The following NPHP3 variants were observed in gnomAD, a reference collection of about 807,000 sequenced individuals.
NPHP3 encodes the protein nephrocystin 3.
A neutral mutation model predicts 171.9 loss-of-function variants in NPHP3; 123 were observed. That is an observed-to-expected ratio of 0.72 (90% CI 0.62 to 0.83). The LOEUF (loss-of-function observed/expected upper bound fraction) is 0.83. Among genes scored for constraint, NPHP3 ranks in the 40% least tolerant of loss-of-function variants. NPHP3 has a pLI of 0.00. For synonymous variants in NPHP3, 558 were observed against 579.2 expected, an observed-to-expected ratio of 0.96 and a Z score of 0.52; for missense variants, 1,506 against 1,591.9, an observed-to-expected ratio of 0.95 and a Z score of 0.92.
At chr3:132,697,490 A>G in intron 13 of NPHP3, 128 bp from the exon 14 acceptor site, 1 of 649,146 alleles carries the variant, frequency 1.5e-6, no homozygotes. Flanking sequence ...AAGCAAAACT[A>G]ATGTCTATTA....
chr3:132,694,699 G>A (rs1191938823), intron 16 of NPHP3, 128 bp downstream of exon 16: 2 of 979,130 alleles, frequency 2.0e-6, no homozygotes, highest in African/African-American at 3.2e-5. Context: ...GCACACTATG[G>A]CTATCAGCAT....
At chr3:132,700,309 A>G in intron 11 of NPHP3, 25 bp downstream of exon 11, 1 of 1,494,830 alleles carries the variant, frequency 6.7e-7, no homozygotes, top group Non-Finnish European at 9.3e-7. Context: ...AAAATTCTGT[A>G]ATTCCAAAAG....
chr3:132,716,340 ATATAGAAGGAAAACTGTAC>A (rs1259627489), intron 4 of NPHP3, among the ~76,000 whole-genome samples: 2 of 152,138 alleles, frequency 1.3e-5, no homozygotes, highest in Non-Finnish European at 2.9e-5. Context: ...GGATCTGTGG[ATATAGAAGGAAAACTGTAC>A]TATATTACCT....
chr3:132,711,992 T>C (rs1939922178), intron 6 of NPHP3, among the ~76,000 whole-genome samples: 2 of 152,204 alleles, frequency 1.3e-5, no homozygotes, highest in South Asian at 4.1e-4. Context: ...AAAGTCAGAG[T>C]TGGTCCACAA....
At position 132,705,732 on chromosome 3, in the gene NPHP3, A is replaced by C. The variant is rs1384391172; in HGVS notation, c.1350+8T>G. On this transcript the variant is annotated splice_region_variant and intron_variant, in intron 8 of 26. Transcript: ENST00000337331. Reference sequence around the variant, plus strand: ...TTAGATGAAAACTTACAGAGAATGCATATTTACCTGTTTAATAATCTTTTC... The same window carrying C: ...TTAGATGAAAACTTACAGAGAATGCCTATTTACCTGTTTAATAATCTTTTC... The C allele has an allele frequency of 7.9e-7, 1 of 1,263,038 alleles. No homozygotes were observed. Among genetic ancestry groups the C allele is most frequent in the Non-Finnish European group, 1.2e-6 (1 of 863,904 alleles). 78.2% of individuals were successfully genotyped at this position (1,263,038 alleles called of 1,614,324 possible). A position where few individuals can be genotyped will look rare whatever the true frequency, so the allele number is the denominator to read the frequency against.
chr3:132,687,503 C>T (rs1253264297), intron 21 of NPHP3, among the ~76,000 whole-genome samples: 1 of 152,124 alleles, frequency 6.6e-6, no homozygotes, highest in Non-Finnish European at 1.5e-5. Flanking sequence ...CAAGTCTAGT[C>T]CTTTAAGTAG....
chr3:132,721,544 T>G, intron 1 of NPHP3: 2 of 305,086 alleles, frequency 6.6e-6, no homozygotes, highest in Admixed American at 4.5e-5. Flanking sequence ...TCTGAGGGGG[T>G]GGGCGCGGGG....
Position 132,687,166 on chromosome 3 carries a change from CT to C in NPHP3, c.3185del (p.Lys1062ArgfsTer19). On this transcript the variant is annotated frameshift_variant, in exon 22 of 27. Coordinates refer to ENST00000337331, the MANE Select transcript of NPHP3 (RefSeq NM_153240.5). LOFTEE classifies it high-confidence loss of function. Reference protein sequence around the residue: ...KSFKIHQKAIKKKGNLYGFAL... With the variant: ...KSFKIHQKAIXKKGNLYGFAL... ...CTCTCCTTACCAAGTTGCCTTTTTT[CT>C]TTATAGCTTTCTGATGAATTTTAAA... The C allele has an allele frequency of 6.8e-7, 1 of 1,466,676 alleles. No individual in the cohort carries two copies. The highest frequency in any genetic ancestry group is 9.5e-7 in the Non-Finnish European group (1 of 1,048,794). The allele number at this position is 1,466,676 out of a possible 1,614,324, so 90.9% of individuals were successfully genotyped here.
chr3:132,688,379 A>C (rs1349270485), intron 21 of NPHP3, among the ~76,000 whole-genome samples: 1 of 152,226 alleles, frequency 6.6e-6, no homozygotes, highest in Non-Finnish European at 1.5e-5. Context: ...AAAGGATACT[A>C]AACCTATATT....
chr3:132,718,859 A>G (rs1200484363), intron 3 of NPHP3, 135 bp downstream of exon 3: 1 of 848,264 alleles, frequency 1.2e-6, no homozygotes, highest in African/African-American at 1.7e-5. Context: ...AGAACACACG[A>G]CACTATTTGC....
At chr3:132,687,357 T>A in intron 21 of NPHP3, 131 bp from the exon 22 acceptor site, 1 of 579,368 alleles carries the variant, frequency 1.7e-6, no homozygotes, top group Non-Finnish European at 3.1e-6. Flanking sequence ...CTAGAAATGA[T>A]AGTCATGACA....
At position 132,722,210 on chromosome 3, in the gene NPHP3, G is replaced by A. The variant is rs763420553; in HGVS notation, c.146C>T (p.Ala49Val). The A allele has an allele frequency of 2.0e-6, 3 of 1,520,862 alleles. No individual in the cohort carries two copies. The highest frequency in any genetic ancestry group is 4.1e-5 in the Admixed American group (2 of 48,438). The allele number at this position is 1,520,862 out of a possible 1,614,324, so 94.2% of individuals were successfully genotyped here. Reference sequence around the variant, plus strand: ...GGGCCCGGCCCCTGCTGCCGCCCCCGCGCCTCGGCGGAACGAGTTGCGCAG... The same window carrying A: ...GGGCCCGGCCCCTGCTGCCGCCCCCACGCCTCGGCGGAACGAGTTGCGCAG... ...RLLRNSFRRG[A>V]GAAAGAGPGS... is the part of the protein sequence containing the mutation. The change falls in exon 1 of 27, where the codon GCG becomes GTG. Residue 49 changes from alanine to valine, a missense_variant. Around this residue, in one of 3 missense-constraint regions of NPHP3, gnomAD observed 930 missense variants for 924.9 expected, o/e 1.01. Coordinates refer to ENST00000337331, the MANE Select transcript of NPHP3 (RefSeq NM_153240.5).
intron 6 of NPHP3, among the ~76,000 whole-genome samples, chr3:132,712,273 T>C (rs956550133): frequency 6.6e-6 from 1 of 152,250 alleles, no homozygotes; most frequent in African/African-American, 2.4e-5. Flanking sequence ...GAACTTTATA[T>C]GTAAAATACA....
chr3:132,691,252 C>A lies in NPHP3; in HGVS notation c.2510G>T (p.Gly837Val), dbSNP rs1413075535. The stretch of plus-strand genomic sequence containing the variant: ...CCTGTATGAAGAAGTAACAGTGGGG[C>A]CTTCCAGGTACTCCAATCTCACTGT... The part of the protein sequence containing the change: ...WETVRLEYLE[G>V]PTVTSSYRQK... Residue 837 changes from glycine (G) to valine (V), a missense_variant, in exon 18 of 27, where the codon GGC becomes GTC. Around this residue, in one of 3 missense-constraint regions of NPHP3, gnomAD observed 569 missense variants for 648.1 expected, o/e 0.88. Transcript: ENST00000337331. The A allele has an allele frequency of 6.2e-7, 1 of 1,613,224 alleles. No homozygotes were observed. The highest frequency in any genetic ancestry group is 2.2e-5 in the East Asian group (1 of 44,758).
intron 25 of NPHP3, 75 bp downstream of exon 25, chr3:132,683,324 T>C (rs1939077740): frequency 7.9e-7 from 1 of 1,269,600 alleles, no homozygotes. Flanking sequence ...TAGTGTTCCC[T>C]ATCTAATTCA....
rs2108007421 is a variant in NPHP3, at chr3:132,721,954, C to G, written c.393+9G>C. ...GGTCTCCCGGCGTCGCGGCCCAGCCCGGCGTTACCTGCAGTTCGGCCCGCA... is the reference window on the plus strand; with the variant it reads ...GGTCTCCCGGCGTCGCGGCCCAGCCGGGCGTTACCTGCAGTTCGGCCCGCA... On this transcript the variant is annotated intron_variant, in intron 1 of 26. Transcript: ENST00000337331. The G allele has an allele frequency of 6.2e-7, 1 of 1,611,940 alleles. No homozygotes were observed.
At chr3:132,704,170 T>C (rs1021737089) in intron 9 of NPHP3, 28 bp downstream of exon 9, 7 of 1,604,618 alleles carry the variant, frequency 4.4e-6, no homozygotes, top group South Asian at 1.1e-5. Context: ...TGACAGATCT[T>C]TGTTGCAATA....
intron 19 of NPHP3, among the ~76,000 whole-genome samples, chr3:132,689,991 G>T (rs1462689853): frequency 1.3e-5 from 2 of 152,118 alleles, no homozygotes; most frequent in Non-Finnish European, 2.9e-5. Context: ...AGCTTAGTAG[G>T]TTAGACAGTT....
chr3:132,700,111 A>G (rs1186908993), intron 11 of NPHP3, 50 bp from the exon 12 acceptor site: 1 of 1,595,840 alleles, frequency 6.3e-7, no homozygotes, highest in South Asian at 1.1e-5. Context: ...GTAGTTACTG[A>G]AGTAGTTACA....
Sources: gnomAD v4.1 joint callset for allele counts (sites outside exome capture counted in the v4.1 genomes callset) on GRCh38, gnomAD v4.1.1 for gene constraint, gnomAD v4.1.1 regional missense constraint, MANE v1.5 for transcripts, NCBI Gene and HGNC (gene_info 2026-07-23, HGNC 2026-07-21) for gene names.